The following PTPRJ variants were observed in gnomAD, a reference collection of about 807,000 sequenced individuals.
The protein encoded by PTPRJ is receptor-type tyrosine-protein phosphatase eta.
A neutral mutation model predicts 141.3 loss-of-function variants in PTPRJ; 129 were observed. The observed-to-expected ratio is 0.91, with a 90% CI of 0.79 to 1.06. The LOEUF (loss-of-function observed/expected upper bound fraction) is 1.06. Among genes scored for constraint, PTPRJ ranks in the 50% least tolerant of loss-of-function variants. PTPRJ has a pLI of 0.00. For synonymous variants in PTPRJ, 610 were observed against 640.5 expected (o/e 0.95, Z 0.72); for missense variants, 1,601 against 1,679.7 (o/e 0.95, Z 0.82).
intron 1 of PTPRJ, among the ~76,000 whole-genome samples, chr11:48,026,996 C>CT (rs1206503872): frequency 0.013 from 1,448 of 113,224 alleles, 98 homozygotes; most frequent in East Asian, 0.029. Context: ...TTGGAATACC[C>CT]TTTTTTTTTT....
At chr11:48,126,526 A>G (rs1175548541) in intron 6 of PTPRJ, among the ~76,000 whole-genome samples, 1 of 152,006 alleles carries the variant, frequency 6.6e-6, no homozygotes, top group Non-Finnish European at 1.5e-5. Context: ...GGGGTGCAGC[A>G]TGCCTGGGCT....
At chr11:48,031,471 A>G (rs1228048) in intron 1 of PTPRJ, among the ~76,000 whole-genome samples, 12,768 of 152,246 alleles carry the variant, frequency 0.084, 1,770 homozygotes, top group African/African-American at 0.29. Context: ...AGCATGATAC[A>G]GATGATGAAT....
rs1298920416 is a variant in PTPRJ at position 48,159,915 on chromosome 11, G to A, written c.3439-15G>A. The A allele has an allele frequency of 1.2e-6, 2 of 1,613,058 alleles. No individual in the cohort carries two copies. The highest frequency in any genetic ancestry group is 1.7e-5 in the Admixed American group (1 of 59,982). ...ATGATCTGAGTCTTCTTATAAAAAT[G>A]CAATTTTGTTCTAGACCAAATGTGA... is the stretch of plus-strand genomic sequence containing the variant. On this transcript the variant is annotated splice_polypyrimidine_tract_variant and intron_variant, in intron 21 of 24. Transcript: ENST00000418331.
At chr11:48,005,766 G>A (rs1854605558) in intron 1 of PTPRJ, among the ~76,000 whole-genome samples, 1 of 152,230 alleles carries the variant, frequency 6.6e-6, no homozygotes, top group African/African-American at 2.4e-5. Context: ...AGGAGCCTGT[G>A]TGTGTGTCTG....
Position 48,167,355 on chromosome 11 carries a change from T to C in PTPRJ, c.4007T>C (p.Ile1336Thr). Residue 1336 changes from isoleucine (I) to threonine (T), a missense_variant, in exon 25 of 25, where the codon ATC becomes ACC. Ile to Thr is a moderately conservative substitution (Grantham distance 89, BLOSUM62 -1). Transcript: ENST00000418331. Reference sequence around the variant, plus strand: ...ACATTTGGAAAGACCAATGGTTACATCGCCTAATTCCAAAGGAATAACCTT... The same window carrying C: ...ACATTTGGAAAGACCAATGGTTACACCGCCTAATTCCAAAGGAATAACCTT... Reference protein sequence around the residue: ...VTTFGKTNGYIA With the variant: ...VTTFGKTNGYTA 6.2e-7 allele frequency: 1 copy of C among 1,614,040 alleles called. No individual in the cohort carries two copies. Among genetic ancestry groups the C allele is most frequent in the Non-Finnish European group, 8.5e-7 (1 of 1,179,958 alleles).
In PTPRJ at chr11:48,059,270, C is replaced by T. The variant is rs557106812; in HGVS notation, c.97-50788C>T. Among the ~76,000 whole-genome samples, 15 of 152,022 alleles carry T rather than the reference C, an allele frequency of 9.9e-5. No homozygotes were observed. The South Asian group carries it at 2.1e-3, about 21-fold the overall frequency. ...CCCGAGTAGCTAGAACACAGGTGCCCGCCACCACATCCGGCTAATTTTTTG... is the reference window on the plus strand; with the variant it reads ...CCCGAGTAGCTAGAACACAGGTGCCTGCCACCACATCCGGCTAATTTTTTG... On this transcript the variant is annotated intron_variant, in intron 1 of 24. Transcript: ENST00000418331.
At chr11:47,992,697 G>A (rs1190256151) in intron 1 of PTPRJ, among the ~76,000 whole-genome samples, 2 of 152,014 alleles carry the variant, frequency 1.3e-5, no homozygotes, top group South Asian at 2.1e-4. Flanking sequence ...ACTGTAAGGC[G>A]GTGTATTTGA....
intron 1 of PTPRJ, among the ~76,000 whole-genome samples, chr11:47,993,851 G>A (rs1446977021): frequency 6.7e-6 from 1 of 148,204 alleles, no homozygotes; most frequent in Admixed American, 6.7e-5. Context: ...TTTTTTGAGA[G>A]GCAGTCTCGC....
chr11:48,167,838 G>T lies in PTPRJ; in HGVS notation c.*476G>T, dbSNP rs1477297601. On this transcript the variant is annotated 3_prime_UTR_variant, in exon 25 of 25. Coordinates refer to ENST00000418331, the MANE Select transcript of PTPRJ (RefSeq NM_002843.4). ...GTGGATGATGATTGCGCAGGGAGGG[G>T]TACGTGGCACCTCTTCCGAATGGGT... is the stretch of plus-strand genomic sequence containing the variant. 1 of 152,566 alleles carries T rather than the reference G, an allele frequency of 6.6e-6. No individual in the cohort carries two copies. The highest frequency in any genetic ancestry group is 6.5e-5 in the Admixed American group (1 of 15,288). The allele number at this position is 152,566 out of a possible 1,614,324, so 9.5% of individuals were successfully genotyped here. A position where few individuals can be genotyped will look rare whatever the true frequency, so the allele number is the denominator to read the frequency against.
chr11:48,128,181 C>T, intron 7 of PTPRJ, 138 bp downstream of exon 7: 1 of 1,138,412 alleles, frequency 8.8e-7, no homozygotes, highest in Non-Finnish European at 1.2e-6. Context: ...TTTCCTTGCA[C>T]TGGCACATTG....
chr11:48,023,730 C>T (rs970723761), intron 1 of PTPRJ, among the ~76,000 whole-genome samples: 3 of 150,548 alleles, frequency 2.0e-5, no homozygotes, highest in East Asian at 1.9e-4. Context: ...TGCAGTGAGC[C>T]GAGATCACAC....
chr11:48,137,441 T>C (rs1033314748), intron 10 of PTPRJ, among the ~76,000 whole-genome samples, 160 bp downstream of exon 10: 2 of 152,232 alleles, frequency 1.3e-5, no homozygotes, highest in African/African-American at 4.8e-5. Flanking sequence ...GCTGTCTCGA[T>C]GCCCTCATCA....
rs562609536 is a variant in PTPRJ, at chr11:48,004,305, C to T, written c.96+23297C>T. 3.3e-5 allele frequency among the ~76,000 whole-genome samples: 5 copies of T among 152,312 alleles called. No homozygotes were observed. The South Asian group carries it at 1.0e-3, about 32-fold the overall frequency. On this transcript the variant is annotated intron_variant, in intron 1 of 24. Transcript: ENST00000418331. ...GATCAGATTCCTCCCCTGCGTCCTCCCTACCCTTTCTTCAACTTCACACCT... is the reference window on the plus strand; with the variant it reads ...GATCAGATTCCTCCCCTGCGTCCTCTCTACCCTTTCTTCAACTTCACACCT...
chr11:48,105,122 T>C (rs1183871799), intron 1 of PTPRJ, among the ~76,000 whole-genome samples: 1 of 152,082 alleles, frequency 6.6e-6, no homozygotes, highest in Non-Finnish European at 1.5e-5. Flanking sequence ...ACAGGGTCAC[T>C]ATGTTGTTTT....
chr11:48,079,293 G>C (rs949267838), intron 1 of PTPRJ, among the ~76,000 whole-genome samples: 1 of 152,050 alleles, frequency 6.6e-6, no homozygotes, highest in Non-Finnish European at 1.5e-5. Flanking sequence ...GATGCAGTAC[G>C]GGAGAGTTTT....
At chr11:48,149,585 T>C in intron 16 of PTPRJ, 97 bp downstream of exon 16, 1 of 848,938 alleles carries the variant, frequency 1.2e-6, no homozygotes, top group East Asian at 2.8e-5. Context: ...TCATTTTTCC[T>C]GATTGGCACA....
At chr11:48,048,909 G>C (rs958815211) in intron 1 of PTPRJ, among the ~76,000 whole-genome samples, 4 of 152,228 alleles carry the variant, frequency 2.6e-5, no homozygotes, top group East Asian at 3.8e-4. Context: ...TTTTACAGCT[G>C]ACGCCTATCT....
At chr11:48,041,914 G>A (rs1045866170) in intron 1 of PTPRJ, among the ~76,000 whole-genome samples, 14 of 146,220 alleles carry the variant, frequency 9.6e-5, no homozygotes, top group Non-Finnish European at 1.6e-4. Context: ...CACCCAGCCT[G>A]ACAATTTTTT....
At chr11:48,046,907 TA>T (rs1237193464) in intron 1 of PTPRJ, among the ~76,000 whole-genome samples, 291 of 86,460 alleles carry the variant, frequency 3.4e-3, no homozygotes, top group African/African-American at 9.3e-3. Context: ...TATATATATA[TA>T]TATATTTTTT....
Sources: gnomAD v4.1 joint callset for allele counts (sites outside exome capture counted in the v4.1 genomes callset) on GRCh38, gnomAD v4.1.1 for gene constraint, MANE v1.5 for transcripts, NCBI Gene and HGNC (gene_info 2026-07-23, HGNC 2026-07-21) for gene names.